The following DPP10 variants were observed in gnomAD, a reference collection of about 807,000 sequenced individuals.
DPP10 encodes the protein dipeptidyl peptidase like 10.
Under a neutral mutation model 120.9 loss-of-function variants are expected in DPP10, and 33 were observed. The observed-to-expected ratio is 0.27, with a 90% CI of 0.21 to 0.37. The LOEUF is 0.37. Among genes scored for constraint, DPP10 ranks in the 10% least tolerant of loss-of-function variants. The pLI is 1.00. For synonymous variants in DPP10, 337 were observed against 326.1 expected (o/e 1.03, Z -0.36); for missense variants, 816 against 942.8 (o/e 0.87, Z 1.76).
chr2:115,321,009 T>A (rs572319020), intron 2 of DPP10, among the ~76,000 whole-genome samples: 10 of 152,240 alleles, frequency 6.6e-5, no homozygotes, highest in African/African-American at 2.4e-4. Context: ...GGTTGAAAGC[T>A]CTGTTCTTGG....
intron 1 of DPP10, among the ~76,000 whole-genome samples, chr2:114,589,164 G>A (rs375462549): frequency 1.2e-4 from 18 of 152,006 alleles, no homozygotes; most frequent in East Asian, 3.9e-4. Context: ...TTCTTGAACC[G>A]GGCATTCCAC....
chr2:115,607,701 A>G (rs1049296195), intron 5 of DPP10, among the ~76,000 whole-genome samples: 1 of 152,154 alleles, frequency 6.6e-6, no homozygotes, highest in Non-Finnish European at 1.5e-5. Flanking sequence ...TTTATTCACT[A>G]ATCCTTGTTC....
intron 1 of DPP10, among the ~76,000 whole-genome samples, chr2:114,513,251 G>A (rs965778690): frequency 8.5e-5 from 13 of 152,096 alleles, no homozygotes; most frequent in African/African-American, 1.4e-4. Context: ...AGCTGGGCAC[G>A]GTGGCTAACG....
intron 1 of DPP10, among the ~76,000 whole-genome samples, chr2:114,919,690 C>A (rs1024361679): frequency 6.6e-6 from 1 of 152,128 alleles, no homozygotes; most frequent in Admixed American, 6.5e-5. Context: ...TCTAAGAAAA[C>A]ACCTCAATAT....
At chr2:115,299,366 A>G (rs148456056) in intron 1 of DPP10, among the ~76,000 whole-genome samples, 15 of 152,136 alleles carry the variant, frequency 9.9e-5, no homozygotes, top group African/African-American at 3.4e-4. Flanking sequence ...ACAGGAAAGT[A>G]TGGTGTCACA....
intron 5 of DPP10, among the ~76,000 whole-genome samples, chr2:115,627,986 A>T (rs983245107): frequency 3.3e-5 from 5 of 152,152 alleles, no homozygotes; most frequent in African/African-American, 1.2e-4. Context: ...ATGCACATGC[A>T]TGTATCCCAG....
chr2:114,838,523 A>G (rs1687913883), intron 1 of DPP10, among the ~76,000 whole-genome samples: 1 of 152,034 alleles, frequency 6.6e-6, no homozygotes, highest in Non-Finnish European at 1.5e-5. Flanking sequence ...CCATGTTGGT[A>G]AAGTTGGTCT....
intron 1 of DPP10, among the ~76,000 whole-genome samples, chr2:114,930,739 C>T (rs749127720): frequency 4.6e-5 from 7 of 152,126 alleles, no homozygotes; most frequent in African/African-American, 9.7e-5. Context: ...CTGCTTCTGA[C>T]GAGGGCCTCA....
intron 1 of DPP10, among the ~76,000 whole-genome samples, chr2:114,882,630 A>G (rs1477349316): frequency 6.6e-6 from 1 of 152,090 alleles, no homozygotes; most frequent in Non-Finnish European, 1.5e-5. Context: ...AATCACCGCT[A>G]AAGAACTTAT....
chr2:114,469,310 C>G (rs556609925), intron 1 of DPP10, among the ~76,000 whole-genome samples: 1 of 152,270 alleles, frequency 6.6e-6, no homozygotes, highest in African/African-American at 2.4e-5. Context: ...ATACTAAGTA[C>G]TTATTAAACA....
chr2:115,153,053 C>T (rs2051667800), intron 1 of DPP10, among the ~76,000 whole-genome samples: 2 of 151,920 alleles, frequency 1.3e-5, no homozygotes, highest in African/African-American at 4.8e-5. Context: ...GAAGAGGAAC[C>T]CTGAGCTTAA....
chr2:114,789,028 G>C lies in DPP10; in HGVS notation c.60+346190G>C, dbSNP rs371447048. 3.3e-5 allele frequency among the ~76,000 whole-genome samples: 5 copies of C among 152,104 alleles called. No homozygotes were observed. The East Asian group carries it at 7.7e-4, about 24-fold the overall frequency. ...TCACCATTATATCTTTGGAAAATTA[G>C]CTTGCAGTTTGAGATTTGCTAAAAG... On this transcript the variant is annotated intron_variant, in intron 1 of 25. Transcript: ENST00000410059.
intron 1 of DPP10, among the ~76,000 whole-genome samples, chr2:114,901,507 A>T (rs961434275): frequency 6.6e-6 from 1 of 152,122 alleles, no homozygotes; most frequent in African/African-American, 2.4e-5. Flanking sequence ...CAAATGGATA[A>T]CTCATTTTAA....
At chr2:115,555,649 C>T (rs908964096) in intron 5 of DPP10, among the ~76,000 whole-genome samples, 1 of 152,078 alleles carries the variant, frequency 6.6e-6, no homozygotes, top group Non-Finnish European at 1.5e-5. Context: ...TCTGATTTCT[C>T]TCAATTACCT....
At chr2:115,496,157 G>A (rs1161198313) in intron 3 of DPP10, among the ~76,000 whole-genome samples, 3 of 151,876 alleles carry the variant, frequency 2.0e-5, no homozygotes, top group African/African-American at 7.3e-5. Context: ...GGATAAATAT[G>A]AAATCCAGAA....
chr2:115,286,526 A>ATATATAAT (rs10675008), intron 1 of DPP10, among the ~76,000 whole-genome samples: 1 of 60,946 alleles, frequency 1.6e-5, no homozygotes, highest in Non-Finnish European at 3.3e-5. Flanking sequence ...ATATATATAT[A>ATATATAAT]ATATATATAT....
intron 1 of DPP10, among the ~76,000 whole-genome samples, chr2:114,663,074 A>G (rs74341475): frequency 6.6e-6 from 1 of 152,012 alleles, no homozygotes; most frequent in Admixed American, 6.6e-5. Context: ...ATACATGTAC[A>G]TATCCATATA....
chr2:115,618,805 G>A (rs761490610), intron 5 of DPP10, among the ~76,000 whole-genome samples: 4 of 151,966 alleles, frequency 2.6e-5, no homozygotes, highest in Non-Finnish European at 5.9e-5. Context: ...CCGTGCCATC[G>A]ATAGCGGGAG....
intron 3 of DPP10, among the ~76,000 whole-genome samples, chr2:115,361,353 G>T (rs1352181722): frequency 6.6e-6 from 1 of 152,050 alleles, no homozygotes; most frequent in African/African-American, 2.4e-5. Context: ...TCTGCGGGAG[G>T]GCAAAGCAAT....
Sources: gnomAD v4.1 joint callset for allele counts (sites outside exome capture counted in the v4.1 genomes callset) on GRCh38, gnomAD v4.1.1 for gene constraint, MANE v1.5 for transcripts, NCBI Gene and HGNC (gene_info 2026-07-23, HGNC 2026-07-21) for gene names.